The following LRRC56 variants were observed in gnomAD, a reference collection of about 807,000 sequenced individuals.
LRRC56 encodes the protein leucine rich repeat containing 56.
In LRRC56, 41 loss-of-function variants were observed where a neutral mutation model predicts 47.8. The ratio of observed to expected loss-of-function variants is 0.86; its 90% CI spans 0.67 to 1.11. LRRC56 has a LOEUF of 1.11. Among genes scored for constraint, LRRC56 ranks in the 50% most tolerant of loss-of-function variants. The pLI, the probability that LRRC56 is intolerant of heterozygous loss-of-function variation, is 0.00. For synonymous variants in LRRC56, 387 were observed against 311.2 expected, an observed-to-expected ratio of 1.24 and a Z score of -2.56; for missense variants, 759 against 704.2, an observed-to-expected ratio of 1.08 and a Z score of -0.88.
upstream of LRRC56, among the ~76,000 whole-genome samples, chr11:535,745 C>T (rs1179665101): frequency 2.0e-5 from 3 of 152,106 alleles, no homozygotes; most frequent in Non-Finnish European, 2.9e-5. Flanking sequence ...AGGGCCGCGG[C>T]CTCTCGGGGT....
upstream of LRRC56, chr11:533,188 C>T: frequency 8.2e-7 from 1 of 1,220,520 alleles, no homozygotes; most frequent in Non-Finnish European, 1.1e-6. Flanking sequence ...TCCGCCTTCC[C>T]CGGAGCTGTG....
At chr11:518,957 G>C in the LRRC56 span, among the ~76,000 whole-genome samples, 1 of 152,050 alleles carries the variant, frequency 6.6e-6, no homozygotes, top group South Asian at 2.1e-4. Flanking sequence ...CAAACCGAGG[G>C]GAACTTGCGG....
rs1212979340 is a variant in LRRC56 at position 554,253 on chromosome 11, C to T, written c.1606C>T (p.His536Tyr). 2 of 1,498,364 alleles carry T rather than the reference C, an allele frequency of 1.3e-6. No homozygotes were observed. The highest frequency in any genetic ancestry group is 1.8e-6 in the Non-Finnish European group (2 of 1,127,908). 92.8% of individuals were successfully genotyped at this position (1,498,364 alleles called of 1,614,324 possible). Residue 536 changes from histidine to tyrosine, a missense_variant, in exon 14 of 14, where the codon CAC becomes TAC. By Grantham distance (83) the His-to-Tyr change is moderately conservative. Transcript: ENST00000270115. The part of the protein sequence containing the change: ...ARPPRAAELS[H>Y]PSPVPT ...ACCTCCCAGGGCAGCTGAACTCTCT[C>T]ACCCCAGCCCCGTCCCCACTTAATA...
chr11:552,960 C>T (rs1852496779), intron 13 of LRRC56, among the ~76,000 whole-genome samples: 1 of 152,172 alleles, frequency 6.6e-6, no homozygotes, highest in Non-Finnish European at 1.5e-5. Flanking sequence ...GAAAGAGAGG[C>T]GTTCCACAAA....
the LRRC56 span, among the ~76,000 whole-genome samples, chr11:524,199 G>A: frequency 6.6e-6 from 1 of 152,180 alleles, no homozygotes; most frequent in Admixed American, 6.5e-5. Flanking sequence ...ACTGACTGTG[G>A]AGTGACAGCG....
At position 541,211 on chromosome 11, in the gene LRRC56, A is replaced by T. The variant is rs1205973794; in HGVS notation, c.178-326A>T. 6.6e-6 allele frequency among the ~76,000 whole-genome samples: 1 copy of T among 152,142 alleles called. No individual in the cohort carries two copies. Among genetic ancestry groups the T allele is most frequent in the Non-Finnish European group, 1.5e-5 (1 of 68,004 alleles). ...GTCCTTCACTCAAGCGGGAGACCAG[A>T]TGGCTCAAAGCTCAGGGCAGGGCCC... On this transcript the variant is annotated intron_variant, in intron 4 of 13. Transcript: ENST00000270115. The surrounding 1 kb of genome is among the most constrained non-coding windows in gnomAD (Gnocchi z 4.1).
chr11:510,458 C>T, the LRRC56 span, among the ~76,000 whole-genome samples: 1 of 151,680 alleles, frequency 6.6e-6, no homozygotes, highest in Non-Finnish European at 1.5e-5. Flanking sequence ...AAAAAAATGG[C>T]TGGGCACAGT....
chr11:530,177 G>T, the LRRC56 span, among the ~76,000 whole-genome samples: 4 of 152,144 alleles, frequency 2.6e-5, no homozygotes, highest in Admixed American at 1.3e-4. Context: ...CACAGCACAG[G>T]CCCAGCCCTG....
At chr11:523,536 C>G in the LRRC56 span, among the ~76,000 whole-genome samples, 5 of 151,510 alleles carry the variant, frequency 3.3e-5, no homozygotes, top group African/African-American at 1.2e-4. Context: ...GAGGCTGATG[C>G]AGGAGAATCG....
chr11:545,344 C>A (rs191345738), intron 6 of LRRC56, among the ~76,000 whole-genome samples: 10 of 152,230 alleles, frequency 6.6e-5, no homozygotes, highest in Non-Finnish European at 1.0e-4. Context: ...TTCTGGCCCC[C>A]GCACGGCTCA....
At chr11:511,238 G>A in the LRRC56 span, among the ~76,000 whole-genome samples, 2 of 150,844 alleles carry the variant, frequency 1.3e-5, no homozygotes, top group Non-Finnish European at 3.0e-5. Context: ...GGAGAATGGC[G>A]TGAACCCGGG....
chr11:506,539 C>T, the LRRC56 span: 1 of 152,234 alleles, frequency 6.6e-6, no homozygotes, highest in African/African-American at 2.4e-5. Context: ...CCGGTGGTCC[C>T]GGAGCGAAGC....
chr11:509,446 G>T, the LRRC56 span, among the ~76,000 whole-genome samples: 1 of 152,214 alleles, frequency 6.6e-6, no homozygotes, highest in Admixed American at 6.5e-5. Flanking sequence ...TGGGGAAGGT[G>T]CCCAGGTATG....
At chr11:544,881 T>A in intron 6 of LRRC56, 101 bp downstream of exon 6, 2 of 1,128,190 alleles carry the variant, frequency 1.8e-6, no homozygotes, top group Non-Finnish European at 2.6e-6. Context: ...GTGGGGGGAC[T>A]TGGGCTGGGA....
chr11:508,783 C>T, the LRRC56 span, among the ~76,000 whole-genome samples: 1 of 151,548 alleles, frequency 6.6e-6, no homozygotes, highest in African/African-American at 2.4e-5. Context: ...GTGGCTCACA[C>T]CTGTAATTCC....
Position 551,955 on chromosome 11 carries a change from G to A in LRRC56, c.1026G>A (p.Arg342=). ...GNPTKGLRER[R]HQCQAREPPE... ...CCACCAAGGGCCTGCGGGAGCGTAG[G>A]CACCAGTGCCAGGTACAGCCCACAG... Residue 342 remains arginine, a synonymous_variant, in exon 11 of 14, where the codon AGG becomes AGA. Coordinates refer to ENST00000270115, the MANE Select transcript of LRRC56 (RefSeq NM_198075.4). 1.2e-6 allele frequency: 2 copies of A among 1,612,694 alleles called. No individual in the cohort carries two copies. Among genetic ancestry groups the A allele is most frequent in the Non-Finnish European group, 1.7e-6 (2 of 1,179,904 alleles).
intron 6 of LRRC56, among the ~76,000 whole-genome samples, chr11:546,172 A>G (rs1380607981): frequency 6.6e-6 from 1 of 152,206 alleles, no homozygotes; most frequent in East Asian, 1.9e-4. Flanking sequence ...CAGGAGGCTG[A>G]GGCAGGAGAG....
the LRRC56 span, among the ~76,000 whole-genome samples, chr11:520,479 G>T: frequency 6.6e-6 from 1 of 151,952 alleles, no homozygotes; most frequent in East Asian, 1.9e-4. Flanking sequence ...ACCACGTCCG[G>T]CTCATTTTTT....
chr11:521,005 C>G, the LRRC56 span, among the ~76,000 whole-genome samples: 3 of 152,204 alleles, frequency 2.0e-5, no homozygotes, highest in African/African-American at 7.2e-5. Context: ...ATTTACTCAC[C>G]GATGCTCTCG....
Sources: allele counts gnomAD v4.1 joint callset (sites outside exome capture counted in the v4.1 genomes callset), GRCh38; gene constraint gnomAD v4.1.1; non-coding constraint Gnocchi (gnomAD v3.1); transcripts MANE v1.5; gene names NCBI Gene and HGNC (gene_info 2026-07-23, HGNC 2026-07-21).